The following RIC1 variants were observed in gnomAD, a reference collection of about 807,000 sequenced individuals.
The protein encoded by RIC1 is RIC1 partner of RAB6A GEF complex.
Under a neutral mutation model 169.0 loss-of-function variants are expected in RIC1, and 88 were observed. The observed-to-expected ratio is 0.52, with a 90% CI of 0.44 to 0.62. The LOEUF (loss-of-function observed/expected upper bound fraction) is 0.62, where lower values mean the gene tolerates loss of function less well. Among genes scored for constraint, RIC1 ranks in the 20% least tolerant of loss-of-function variants. The pLI is 0.00. For synonymous variants in RIC1, 790 were observed against 601.5 expected (o/e 1.31, Z -4.59); for missense variants, 1,877 against 1,725.5 (o/e 1.09, Z -1.56).
chr9:5,713,916 G>C lies in RIC1; in HGVS notation c.353G>C (p.Gly118Ala). The C allele has an allele frequency of 6.2e-7, 1 of 1,612,630 alleles. No individual in the cohort carries two copies. Among genetic ancestry groups the C allele is most frequent in the South Asian group, 1.1e-5 (1 of 90,970 alleles). ...TTTAGAGGAAGTCCACAAATGAAGG[G>C]GACACCCCATTTTAAGGAAGAACAG... is the stretch of plus-strand genomic sequence containing the variant. ...VYPKGSPQMK[G>A]TPHFKEEQCA... is the part of the protein sequence containing the mutation. Residue 118 changes from glycine (G) to alanine (A), a missense_variant, in exon 4 of 26, where the codon GGG becomes GCG. By Grantham distance (60) the Gly-to-Ala change is moderately conservative (BLOSUM62 0). Around this residue, in one of 3 missense-constraint regions of RIC1, gnomAD observed 1,104 missense variants for 992.0 expected, o/e 1.11. Transcript: ENST00000414202.
intron 7 of RIC1, among the ~76,000 whole-genome samples, chr9:5,734,460 T>C (rs1017824726): frequency 6.6e-6 from 1 of 152,208 alleles, no homozygotes; most frequent in Non-Finnish European, 1.5e-5. Flanking sequence ...CTATGTCATT[T>C]TGGCAAGTTG....
chr9:5,748,955 G>C (rs1469859264), intron 12 of RIC1, among the ~76,000 whole-genome samples: 1 of 152,128 alleles, frequency 6.6e-6, no homozygotes, highest in Non-Finnish European at 1.5e-5. Context: ...TAGTTTATCA[G>C]TTTCCTTAAA....
chr9:5,655,774 T>C (rs779847478), intron 1 of RIC1, among the ~76,000 whole-genome samples: 2 of 152,226 alleles, frequency 1.3e-5, no homozygotes, highest in Non-Finnish European at 2.9e-5. Flanking sequence ...TTATGGTGTT[T>C]AATTTTTTTT....
chr9:5,687,961 G>A (rs1821353551), intron 2 of RIC1, among the ~76,000 whole-genome samples: 1 of 151,898 alleles, frequency 6.6e-6, no homozygotes, highest in Non-Finnish European at 1.5e-5. Flanking sequence ...TTTTATTGCT[G>A]TGCTTTTCTG....
At chr9:5,725,618 T>C (rs1476586455) in intron 6 of RIC1, among the ~76,000 whole-genome samples, 2 of 152,188 alleles carry the variant, frequency 1.3e-5, no homozygotes, top group Non-Finnish European at 2.9e-5. Context: ...ATGTGTCTGC[T>C]CCTGCTTCTC....
intron 1 of RIC1, among the ~76,000 whole-genome samples, chr9:5,640,376 A>ACTCTACACTTTAACTTCATCC (rs1220646572): frequency 2.6e-5 from 4 of 151,146 alleles, no homozygotes; most frequent in East Asian, 1.9e-4. Context: ...TGTAATTAAA[A>ACTCTACACTTTAACTTCATCC]CTCTACACTT....
chr9:5,696,744 G>T (rs1312728342), intron 3 of RIC1, among the ~76,000 whole-genome samples: 1 of 152,114 alleles, frequency 6.6e-6, no homozygotes, highest in Non-Finnish European at 1.5e-5. Flanking sequence ...GAATTGCTGG[G>T]TCATATCACA....
At chr9:5,692,039 G>T (rs1338229447) in intron 3 of RIC1, among the ~76,000 whole-genome samples, 1 of 151,992 alleles carries the variant, frequency 6.6e-6, no homozygotes, top group Non-Finnish European at 1.5e-5. Flanking sequence ...ACTTTGCTGT[G>T]TTTGACTCTA....
rs1821501751 is a variant in RIC1, at chr9:5,690,016, C to G, written c.310C>G (p.Leu104Val). ...TACATCTACAAGAGGGGACAAGTAC[C>G]TTTATGAACCAGTGTATCCCAAGTA... is the stretch of plus-strand genomic sequence containing the variant. ...HITSTRGDKY[L>V]YEPVYPKGSP... Residue 104 changes from leucine (L) to valine (V), a missense_variant, in exon 3 of 26, where the codon CTT becomes GTT. Leu to Val is a conservative substitution (Grantham distance 32, BLOSUM62 1). Around this residue, in one of 3 missense-constraint regions of RIC1, gnomAD observed 1,104 missense variants for 992.0 expected, o/e 1.11. Coordinates refer to ENST00000414202, the MANE Select transcript of RIC1 (RefSeq NM_020829.4). 8 of 1,599,598 alleles carry G rather than the reference C, an allele frequency of 5.0e-6. No individual in the cohort carries two copies. Among genetic ancestry groups the G allele is most frequent in the Non-Finnish European group, 6.8e-6 (8 of 1,174,714 alleles).
At chr9:5,647,149 T>C (rs1818558451) in intron 1 of RIC1, among the ~76,000 whole-genome samples, 1 of 152,216 alleles carries the variant, frequency 6.6e-6, no homozygotes, top group Admixed American at 6.5e-5. Flanking sequence ...TTCTGGACTC[T>C]GTGTTTTATT....
At chr9:5,682,107 T>C (rs1157545960) in intron 2 of RIC1, among the ~76,000 whole-genome samples, 1 of 152,218 alleles carries the variant, frequency 6.6e-6, no homozygotes, top group Non-Finnish European at 1.5e-5. Context: ...CTTGAGTCTT[T>C]ATCCAATTTG....
chr9:5,638,336 G>C (rs898840038), intron 1 of RIC1, among the ~76,000 whole-genome samples: 3 of 152,178 alleles, frequency 2.0e-5, no homozygotes, highest in Non-Finnish European at 4.4e-5. Context: ...TCTGGGTTTG[G>C]TATGAGGGTA....
chr9:5,731,700 G>C lies in RIC1; in HGVS notation c.721-688G>C, dbSNP rs117855634. Among the ~76,000 whole-genome samples the C allele has an allele frequency of 1.8e-3, 274 of 152,228 alleles. 1 individual carries two copies. The East Asian group carries it at 0.021, about 12-fold the overall frequency. Reference sequence around the variant, plus strand: ...AATAGCATATATGCTTACTAATAATGTCATTTATTTATTGAATGCTTGTTG... The same window carrying C: ...AATAGCATATATGCTTACTAATAATCTCATTTATTTATTGAATGCTTGTTG... On this transcript the variant is annotated intron_variant, in intron 6 of 25. Coordinates refer to ENST00000414202, the MANE Select transcript of RIC1 (RefSeq NM_020829.4).
intron 6 of RIC1, among the ~76,000 whole-genome samples, chr9:5,723,938 A>G (rs1426056243): frequency 6.6e-6 from 1 of 152,168 alleles, no homozygotes; most frequent in Non-Finnish European, 1.5e-5. Flanking sequence ...TGGTACCAGT[A>G]CCATGCTGTT....
At chr9:5,700,901 T>C (rs1048379557) in intron 3 of RIC1, among the ~76,000 whole-genome samples, 3 of 152,054 alleles carry the variant, frequency 2.0e-5, no homozygotes, top group Non-Finnish European at 4.4e-5. Flanking sequence ...GTTATAAATA[T>C]TTTTTTTCAA....
intron 1 of RIC1, among the ~76,000 whole-genome samples, chr9:5,636,902 T>C (rs1817997857): frequency 1.3e-5 from 2 of 152,190 alleles, no homozygotes; most frequent in South Asian, 2.1e-4. Context: ...TAATTTGTAT[T>C]ATCTATAGTG....
intron 3 of RIC1, chr9:5,713,303 G>A (rs1008688094): frequency 2.0e-5 from 3 of 152,250 alleles, no homozygotes; most frequent in African/African-American, 7.2e-5. Flanking sequence ...TGACAGTTCA[G>A]TTAAGTTGGC....
At position 5,679,649 on chromosome 9, in the gene RIC1, A is replaced by G. The variant is rs980793221; in HGVS notation, c.253-10310A>G. 2.1e-4 allele frequency among the ~76,000 whole-genome samples: 32 copies of G among 152,074 alleles called. 1 individual carries two copies. Among genetic ancestry groups the G allele is most frequent in the Admixed American group, 1.3e-3 (20 of 15,274 alleles). On this transcript the variant is annotated intron_variant, in intron 2 of 25. Transcript: ENST00000414202. ...TGATTTGGCTCTGTGTTTGTCTGTTATTGGTGTATAAGAATGCTTGTGATT... is the reference window on the plus strand; with the variant it reads ...TGATTTGGCTCTGTGTTTGTCTGTTGTTGGTGTATAAGAATGCTTGTGATT...
At chr9:5,732,289 A>G in intron 6 of RIC1, 99 bp from the exon 7 acceptor site, 2 of 918,504 alleles carry the variant, frequency 2.2e-6, no homozygotes, top group Non-Finnish European at 3.4e-6. Context: ...AACCAAATAA[A>G]GCATTATGAA....
Sources: allele counts gnomAD v4.1 joint callset (sites outside exome capture counted in the v4.1 genomes callset), GRCh38; gene constraint gnomAD v4.1.1; regional missense constraint gnomAD v4.1.1; transcripts MANE v1.5; gene names NCBI Gene and HGNC (gene_info 2026-07-23, HGNC 2026-07-21).